Variants in LINGO2 observed in about 807,000 individuals in gnomAD.
LINGO2 encodes leucine-rich repeat and immunoglobulin-like domain-containing nogo receptor-interacting protein 2.
A neutral mutation model predicts 30.6 loss-of-function variants in LINGO2; 14 were observed. The observed-to-expected ratio is 0.46, with a 90% confidence interval of 0.30 to 0.72. The LOEUF is 0.72. LINGO2 is among the 30% of genes least tolerant of loss of function. The probability of loss-of-function intolerance (pLI) is 0.07; values close to 1 mark genes in which losing one functional copy is unlikely to be tolerated. For synonymous variants in LINGO2, 317 were observed against 288.5 expected, an observed-to-expected ratio of 1.10 and a Z score of -1.00; for missense variants, 729 against 751.7, an observed-to-expected ratio of 0.97 and a Z score of 0.35.
At chr9:27,982,325 T>C (rs1236526311) in intron 5 of LINGO2, among the ~76,000 whole-genome samples, 1 of 151,744 alleles carries the variant, frequency 6.6e-6, no homozygotes, top group East Asian at 1.9e-4. Context: ...CTCTTTTGTA[T>C]AAAGGAAATG....
chr9:28,192,351 G>A (rs1445518509), intron 4 of LINGO2, among the ~76,000 whole-genome samples: 1 of 151,936 alleles, frequency 6.6e-6, no homozygotes, highest in Non-Finnish European at 1.5e-5. Flanking sequence ...CCCAGTAAAT[G>A]TTCACTGAAT....
intron 5 of LINGO2, among the ~76,000 whole-genome samples, chr9:28,004,824 A>G (rs1436890441): frequency 6.6e-6 from 1 of 152,222 alleles, no homozygotes; most frequent in East Asian, 1.9e-4. Flanking sequence ...GGGTAGAGAT[A>G]GAAATGTTGG....
the LINGO2 span, among the ~76,000 whole-genome samples, chr9:29,170,189 T>C: frequency 1.3e-5 from 2 of 152,146 alleles, no homozygotes; most frequent in Non-Finnish European, 2.9e-5. Context: ...AACAAAGTCA[T>C]AGAATCAACT....
At chr9:28,565,497 T>A (rs1298272834) in intron 1 of LINGO2, among the ~76,000 whole-genome samples, 2 of 147,412 alleles carry the variant, frequency 1.4e-5, no homozygotes, top group Admixed American at 1.3e-4. Flanking sequence ...GAAAAATTAT[T>A]TTTATTTTTT....
chr9:28,795,872 C>T, the LINGO2 span, among the ~76,000 whole-genome samples: 2 of 151,798 alleles, frequency 1.3e-5, no homozygotes, highest in African/African-American at 4.8e-5. Flanking sequence ...GTCTCAGGAG[C>T]TCTTTCTATT....
chr9:28,425,609 C>T (rs1823377331), intron 2 of LINGO2, among the ~76,000 whole-genome samples: 1 of 151,968 alleles, frequency 6.6e-6, no homozygotes, highest in South Asian at 2.1e-4. Flanking sequence ...CAATATCCAA[C>T]ACCATAGCGT....
rs78329158 is a variant in LINGO2, at chr9:28,536,169, A to T, written c.-364-60144T>A. ...CAGAACCCGAAGATACACATTGCCAATAAAATATTTTTAACTCTGTGCTTA... is the reference window on the plus strand; with the variant it reads ...CAGAACCCGAAGATACACATTGCCATTAAAATATTTTTAACTCTGTGCTTA... On this transcript the variant is annotated intron_variant, in intron 1 of 5. Transcript: ENST00000379992. 9.6e-3 allele frequency among the ~76,000 whole-genome samples: 1,459 copies of T among 152,284 alleles called. 39 individuals are homozygous for T. In the East Asian group the frequency reaches 0.097, roughly 10 times the overall value.
intron 1 of LINGO2, among the ~76,000 whole-genome samples, chr9:28,547,851 G>A (rs1822032887): frequency 6.6e-6 from 1 of 152,102 alleles, no homozygotes; most frequent in South Asian, 2.1e-4. Context: ...CATCTGTATT[G>A]CCTTTGAAGA....
intron 4 of LINGO2, among the ~76,000 whole-genome samples, chr9:28,124,481 T>A (rs1170534221): frequency 6.6e-6 from 1 of 152,224 alleles, no homozygotes; most frequent in Non-Finnish European, 1.5e-5. Context: ...TGATGCATAT[T>A]ATACCATCTG....
chr9:28,065,213 A>G (rs1341939794), intron 4 of LINGO2, among the ~76,000 whole-genome samples: 2 of 151,930 alleles, frequency 1.3e-5, no homozygotes, highest in Non-Finnish European at 2.9e-5. Flanking sequence ...AACAAAAAAA[A>G]CACTGTCTCA....
At chr9:28,346,674 T>C (rs1819587053) in intron 3 of LINGO2, among the ~76,000 whole-genome samples, 1 of 152,168 alleles carries the variant, frequency 6.6e-6, no homozygotes, top group Non-Finnish European at 1.5e-5. Flanking sequence ...AAGCATTCCC[T>C]TTTCTCCACA....
At chr9:28,511,342 A>G (rs960754705) in intron 1 of LINGO2, among the ~76,000 whole-genome samples, 1 of 152,160 alleles carries the variant, frequency 6.6e-6, no homozygotes, top group Non-Finnish European at 1.5e-5. Context: ...ACCCTGAGGA[A>G]TGGTGCCATA....
the LINGO2 span, among the ~76,000 whole-genome samples, chr9:28,709,903 C>G: frequency 1.7e-4 from 26 of 151,776 alleles, no homozygotes; most frequent in Non-Finnish European, 3.2e-4. Flanking sequence ...GGCTATTGCA[C>G]CTATGATTTA....
chr9:28,809,044 G>A, the LINGO2 span, among the ~76,000 whole-genome samples: 3 of 152,022 alleles, frequency 2.0e-5, no homozygotes, highest in African/African-American at 7.2e-5. Context: ...ATAGATATAG[G>A]GGGCATGGCT....
In LINGO2 at chr9:28,229,318, G is replaced by T. The variant is rs994839966; in HGVS notation, c.-87+65890C>A. On this transcript the variant is annotated intron_variant, in intron 4 of 5. Transcript: ENST00000379992. ...TGAAAATAAAACAAAAATACCTTGG[G>T]CTGTGACAATAATATATGTTGATAT... Among the ~76,000 whole-genome samples, 6 of 151,700 alleles carry T rather than the reference G, an allele frequency of 4.0e-5. No individual in the cohort carries two copies. The East Asian group carries it at 5.8e-4, about 15-fold the overall frequency.
chr9:28,685,776 A>G, the LINGO2 span, among the ~76,000 whole-genome samples: 4 of 152,130 alleles, frequency 2.6e-5, no homozygotes, highest in African/African-American at 7.2e-5. Flanking sequence ...ATTCATCCAC[A>G]TATTTATTTG....
intron 1 of LINGO2, among the ~76,000 whole-genome samples, chr9:28,577,485 T>C (rs963116577): frequency 2.0e-5 from 3 of 152,062 alleles, no homozygotes; most frequent in Non-Finnish European, 4.4e-5. Context: ...CCTAACCCAC[T>C]GTCCACAACA....
the LINGO2 span, among the ~76,000 whole-genome samples, chr9:28,781,472 G>C: frequency 5.3e-4 from 80 of 152,104 alleles, no homozygotes; most frequent in African/African-American, 1.9e-3. Flanking sequence ...TCAAATAATA[G>C]CAAAACAAAA....
the LINGO2 span, among the ~76,000 whole-genome samples, chr9:29,082,160 A>G: frequency 2.6e-5 from 4 of 152,212 alleles, no homozygotes; most frequent in African/African-American, 4.8e-5. Flanking sequence ...GAGGCATCAC[A>G]CTACCTGACT....
Sources: allele counts gnomAD v4.1 joint callset (sites outside exome capture counted in the v4.1 genomes callset), GRCh38; gene constraint gnomAD v4.1.1; transcripts MANE v1.5; gene names NCBI Gene and HGNC (gene_info 2026-07-23, HGNC 2026-07-21).